ATP6AP2: variants seen among roughly 807,000 people sequenced by gnomAD.
ATP6AP2 encodes ATPase H+ transporting accessory protein 2, also known as renin receptor.
ATP6AP2 carries 1 observed loss-of-function variant against 23.4 expected under a neutral mutation model. The observed-to-expected ratio is 0.04, with a 90% CI of 0.02 to 0.20. ATP6AP2 has a LOEUF of 0.20. Among genes scored for constraint, ATP6AP2 ranks in the 10% least tolerant of loss-of-function variants. The pLI is 1.00. For synonymous variants in ATP6AP2, 90 were observed against 97.1 expected (o/e 0.93, Z 0.43); for missense variants, 174 against 271.3 (o/e 0.64, Z 2.52).
intron 8 of ATP6AP2, among the ~76,000 whole-genome samples, chrX:40,602,051 G>A (rs1477881257): frequency 9.8e-6 from 1 of 102,141 alleles, no homozygotes; most frequent in East Asian, 3.1e-4. Context: ...GGAGGTTGAG[G>A]CGGGCGGAAC....
At chrX:40,581,161 G>C in intron 1 of ATP6AP2, 59 bp downstream of exon 1, 1 of 1,050,504 alleles carries the variant, frequency 9.5e-7, no homozygotes. Flanking sequence ...CGGGGCTTGG[G>C]GGTCGGGGGC....
At chrX:40,588,335 C>CCCCA (rs1491352722) in intron 1 of ATP6AP2, among the ~76,000 whole-genome samples, 39 of 1,989 alleles carry the variant, frequency 0.02, no homozygotes, top group African/African-American at 0.024. Context: ...GACATGTATG[C>CCCCA]CCCCCCCCCC....
rs140313781 is a variant in ATP6AP2, at chrX:40,605,457, T to C, written c.859-104T>C. ...GTATAAGTAGCTGTTATGCCACTTATGAAGAAATGTTTGTTAGACAAATGA... is the reference window on the plus strand; with the variant it reads ...GTATAAGTAGCTGTTATGCCACTTACGAAGAAATGTTTGTTAGACAAATGA... On this transcript the variant is annotated intron_variant, in intron 8 of 8. Coordinates refer to ENST00000636580, the MANE Select transcript of ATP6AP2 (RefSeq NM_005765.3). 3.4e-4 allele frequency: 263 copies of C among 772,015 alleles called. 1 individual carries two copies. In the East Asian group the frequency reaches 8.2e-3, roughly 24 times the overall value. 63.6% of individuals were successfully genotyped at this position (772,015 alleles called of 1,213,427 possible).
intron 6 of ATP6AP2, chrX:40,599,183 A>T (rs971375498): frequency 4.7e-6 from 1 of 211,885 alleles, no homozygotes; most frequent in African/African-American, 2.9e-5. Context: ...AGAAATTCTT[A>T]TCTGTTTGCT....
At chrX:40,591,726 CT>C in intron 3 of ATP6AP2, 2 of 232,508 alleles carry the variant, frequency 8.6e-6, no homozygotes, top group South Asian at 5.0e-5. Context: ...GATTTTACCT[CT>C]TTTCGTGTGT....
chrX:40,599,148 T>A, intron 6 of ATP6AP2: 1 of 211,998 alleles, frequency 4.7e-6, no homozygotes, highest in Non-Finnish European at 8.5e-6. Context: ...AATGATTTTT[T>A]AAAAATCATC....
chrX:40,601,124 G>T (rs1410952470), intron 8 of ATP6AP2, among the ~76,000 whole-genome samples: 1 of 111,721 alleles, frequency 9.0e-6, no homozygotes, highest in African/African-American at 3.3e-5. Flanking sequence ...AAGTAAATCT[G>T]TCCAAGATTA....
intron 1 of ATP6AP2, among the ~76,000 whole-genome samples, chrX:40,586,926 T>C (rs1926488087): frequency 8.9e-6 from 1 of 112,399 alleles, no homozygotes; most frequent in Admixed American, 9.4e-5. Flanking sequence ...AGTAGGGCCG[T>C]GTCTCAAAAC....
At position 40,606,368 on chromosome X, in the gene ATP6AP2, A is replaced by G. The variant is rs1158757530; in HGVS notation, c.*613A>G. 1 of 112,920 alleles carries G rather than the reference A, an allele frequency of 8.9e-6. No individual in the cohort carries two copies. Among genetic ancestry groups the G allele is most frequent in the Non-Finnish European group, 1.9e-5 (1 of 53,724 alleles). The allele number at this position is 112,920 out of a possible 1,213,427, so 9.3% of individuals were successfully genotyped here. A position where few individuals can be genotyped will look rare whatever the true frequency, so the allele number is the denominator to read the frequency against. ...ACCTACATGGGCTAATATGGATACT[A>G]AAAATACTACATTGATCTAAGAAGA... On this transcript the variant is annotated 3_prime_UTR_variant, in exon 9 of 9. Coordinates refer to ENST00000636580, the MANE Select transcript of ATP6AP2 (RefSeq NM_005765.3).
At chrX:40,602,497 A>G (rs1926944499) in intron 8 of ATP6AP2, among the ~76,000 whole-genome samples, 1 of 105,013 alleles carries the variant, frequency 9.5e-6, no homozygotes, top group African/African-American at 3.7e-5. Flanking sequence ...AAAAACACAA[A>G]AAATCAGCCG....
At chrX:40,597,739 C>T (rs1926810393) in intron 5 of ATP6AP2, 75 bp downstream of exon 5, 1 of 1,065,920 alleles carries the variant, frequency 9.4e-7, no homozygotes. Flanking sequence ...CAGGGTCTCA[C>T]TCTGTTGTCC....
chrX:40,580,975 C>T lies in ATP6AP2; in HGVS notation c.-91C>T, dbSNP rs745908628. On this transcript the variant is annotated 5_prime_UTR_variant, in exon 1 of 9. Coordinates refer to ENST00000636580, the MANE Select transcript of ATP6AP2 (RefSeq NM_005765.3). Reference sequence around the variant, plus strand: ...CGGGACCCGGGAGCCTGGACGAGTCCGAGCGCGTCACCTCCTCACGCTGCG... The same window carrying T: ...CGGGACCCGGGAGCCTGGACGAGTCTGAGCGCGTCACCTCCTCACGCTGCG... The T allele has an allele frequency of 4.7e-5, 51 of 1,089,892 alleles. No homozygotes were observed. Among genetic ancestry groups the T allele is most frequent in the Non-Finnish European group, 5.7e-5 (46 of 807,661 alleles). 89.8% of individuals were successfully genotyped at this position (1,089,892 alleles called of 1,213,427 possible).
At chrX:40,602,736 G>C (rs1296312461) in intron 8 of ATP6AP2, among the ~76,000 whole-genome samples, 3 of 106,507 alleles carry the variant, frequency 2.8e-5, no homozygotes, top group Admixed American at 2.0e-4. Flanking sequence ...TTGGTGCCTT[G>C]TGTGTGGGGG....
At chrX:40,603,684 C>G (rs989448925) in intron 8 of ATP6AP2, among the ~76,000 whole-genome samples, 1 of 111,929 alleles carries the variant, frequency 8.9e-6, no homozygotes, top group Non-Finnish European at 1.9e-5. Context: ...TCATCTGTCT[C>G]TCTGCTTCCC....
rs919399544 is a variant in ATP6AP2, at chrX:40,602,352, G to A, written c.858+1471G>A. On this transcript the variant is annotated intron_variant, in intron 8 of 8. Transcript: ENST00000636580. ...CAAGAAAGGGAAATTCTCTTACAGA[G>A]TAAATAAAGAAGAGGAGGCCGGGTG... is the stretch of plus-strand genomic sequence containing the variant. 1.2e-4 allele frequency among the ~76,000 whole-genome samples: 12 copies of A among 96,913 alleles called. 2 individuals are homozygous for A. Among genetic ancestry groups the A allele is most frequent in the Admixed American group, 1.0e-3 (9 of 8,715 alleles). The allele number at this position is 96,913 out of a possible 115,157, so 84.2% of individuals were successfully genotyped here. A position where few individuals can be genotyped will look rare whatever the true frequency, so the allele number is the denominator to read the frequency against.
intron 1 of ATP6AP2, among the ~76,000 whole-genome samples, chrX:40,585,803 C>G (rs1366803603): frequency 9.0e-6 from 1 of 111,283 alleles, no homozygotes; most frequent in Non-Finnish European, 1.9e-5. Flanking sequence ...TTGCGGTGAG[C>G]TGAGATCCTT....
chrX:40,606,768 C>T lies in ATP6AP2; in HGVS notation c.*1013C>T, dbSNP rs189242462. 1.8e-5 allele frequency: 2 copies of T among 112,235 alleles called. No individual in the cohort carries two copies. Among genetic ancestry groups the T allele is most frequent in the African/African-American group, 6.5e-5 (2 of 30,886 alleles). The allele number at this position is 112,235 out of a possible 1,213,427, so 9.2% of individuals were successfully genotyped here. ...TGTTTCTTTTACACTTGTTTATTCT[C>T]GCTGCCTCCTGAGATTTAGTACTAA... On this transcript the variant is annotated 3_prime_UTR_variant, in exon 9 of 9. Transcript: ENST00000636580.
intron 3 of ATP6AP2, among the ~76,000 whole-genome samples, chrX:40,594,804 A>T (rs1282740194): frequency 8.9e-6 from 1 of 112,684 alleles, no homozygotes; most frequent in Non-Finnish European, 1.9e-5. Flanking sequence ...TTTTTAAATT[A>T]TTTGGAACTG....
chrX:40,593,155 G>A (rs1440597854), intron 3 of ATP6AP2, among the ~76,000 whole-genome samples: 1 of 110,974 alleles, frequency 9.0e-6, no homozygotes, highest in African/African-American at 3.3e-5. Flanking sequence ...GCTGAGGCAC[G>A]AGAATTACTT....
Sources: gnomAD v4.1 joint callset for allele counts (sites outside exome capture counted in the v4.1 genomes callset) on GRCh38, gnomAD v4.1.1 for gene constraint, MANE v1.5 for transcripts, NCBI Gene and HGNC (gene_info 2026-07-23, HGNC 2026-07-21) for gene names.